The following TPM4 variants were observed in gnomAD, a reference collection of about 807,000 sequenced individuals.
The protein encoded by TPM4 is tropomyosin alpha-4 chain.
TPM4 carries 17 observed loss-of-function variants against 35.8 expected under a neutral mutation model. The observed-to-expected ratio is 0.47, with a 90% CI of 0.32 to 0.71. The LOEUF (loss-of-function observed/expected upper bound fraction) is 0.71, where lower values mean the gene tolerates loss of function less well. Among genes scored for constraint, TPM4 ranks in the 30% least tolerant of loss-of-function variants. The pLI, the probability that TPM4 is intolerant of heterozygous loss-of-function variation, is 0.03. For synonymous variants in TPM4, 120 were observed against 122.9 expected (o/e 0.98, Z 0.15); for missense variants, 240 against 320.9 (o/e 0.75, Z 1.93).
chr19:16,073,029 A>G (rs574047681), upstream of TPM4, among the ~76,000 whole-genome samples: 17 of 152,162 alleles, frequency 1.1e-4, no homozygotes, highest in African/African-American at 3.6e-4. Flanking sequence ...AAAAGTAGTC[A>G]AAACCCCAAA....
At chr19:16,093,837 A>AG in intron 7 of TPM4, 84 bp downstream of exon 7, 1 of 1,482,152 alleles carries the variant, frequency 6.7e-7, no homozygotes, top group South Asian at 1.2e-5. Flanking sequence ...ATGTTTGTGG[A>AG]GGGGCTGGGT....
At chr19:16,097,633 G>A (rs1245190795) in intron 7 of TPM4, among the ~76,000 whole-genome samples, 6 of 152,008 alleles carry the variant, frequency 3.9e-5, no homozygotes, top group African/African-American at 1.4e-4. Context: ...TTCAAATAGT[G>A]CATCTGGTTC....
In TPM4 at chr19:16,102,193, A is replaced by G. The variant is rs2090769648; in HGVS notation, c.*847A>G. ...GAAACCATGTCTCTACTAAAAATAC[A>G]AAAATTATGGTGACGCCTGCCTGTA... On this transcript the variant is annotated 3_prime_UTR_variant, in exon 8 of 8. Transcript: ENST00000643579. The G allele has an allele frequency of 5.4e-6, 1 of 186,888 alleles. No individual in the cohort carries two copies. Among genetic ancestry groups the G allele is most frequent in the Non-Finnish European group, 1.1e-5 (1 of 88,628 alleles). 11.6% of individuals were successfully genotyped at this position (186,888 alleles called of 1,614,324 possible).
At chr19:16,076,779 C>A in intron 1 of TPM4, 82 bp downstream of exon 1, 4 of 1,281,274 alleles carry the variant, frequency 3.1e-6, no homozygotes, top group Non-Finnish European at 3.0e-6. Context: ...CCGCGCTGCC[C>A]GCCCGCGCGC....
intron 2 of TPM4, among the ~76,000 whole-genome samples, chr19:16,069,430 T>TGTATGGATGAGTGTGTTTCTGATGGG (rs1320629074): frequency 9.9e-5 from 15 of 152,198 alleles, no homozygotes; most frequent in South Asian, 2.1e-4. Context: ...GGTGTGTATG[T>TGTATGGATGAGTGTGTTTCTGATGGG]GTGTGAATGA....
intron 4 of TPM4, 170 bp downstream of exon 4, chr19:16,088,267 C>T (rs2036731001): frequency 1.4e-6 from 2 of 1,404,634 alleles, no homozygotes; most frequent in Non-Finnish European, 9.5e-7. Flanking sequence ...GAGGTGGTGA[C>T]TTGTTCTTAC....
At chr19:16,087,976 A>G (rs1222052480) in intron 3 of TPM4, 51 bp from the exon 4 acceptor site, 2 of 1,574,728 alleles carry the variant, frequency 1.3e-6, no homozygotes, top group Non-Finnish European at 1.7e-6. Context: ...TGGATGGGAG[A>G]GGACACGGCT....
rs772139603 is a variant in TPM4, at chr19:16,076,541, C to T, written c.-25C>T. The T allele has an allele frequency of 1.3e-5, 19 of 1,436,982 alleles. No homozygotes were observed. Among genetic ancestry groups the T allele is most frequent in the South Asian group, 9.4e-5 (7 of 74,200 alleles). The allele number at this position is 1,436,982 out of a possible 1,614,324, so 89.0% of individuals were successfully genotyped here. ...AGCCCAGCCGAGCGTCCGCCGCTGCCCGTGCGCCTCTGCGCCTCCGCGCCA... is the reference window on the plus strand; with the variant it reads ...AGCCCAGCCGAGCGTCCGCCGCTGCTCGTGCGCCTCTGCGCCTCCGCGCCA... On this transcript the variant is annotated 5_prime_UTR_variant, in exon 1 of 8. Coordinates refer to ENST00000643579, the MANE Select transcript of TPM4 (RefSeq NM_003290.3).
At chr19:16,097,121 T>C (rs964967357) in intron 7 of TPM4, among the ~76,000 whole-genome samples, 3 of 151,036 alleles carry the variant, frequency 2.0e-5, no homozygotes, top group Non-Finnish European at 4.4e-5. Flanking sequence ...ACTCAGCTAA[T>C]TTTTGTACTT....
chr19:16,102,966 T>C lies in TPM4; in HGVS notation c.*1620T>C. ...GTATCATATGTAATAGTATCACTTT[T>C]TCTACATTTTGGTCAAATAAATTTT... is the stretch of plus-strand genomic sequence containing the variant. On this transcript the variant is annotated 3_prime_UTR_variant, in exon 8 of 8. Coordinates refer to ENST00000643579, the MANE Select transcript of TPM4 (RefSeq NM_003290.3). The C allele has an allele frequency of 4.8e-6, 1 of 207,964 alleles. No individual in the cohort carries two copies. Among genetic ancestry groups the C allele is most frequent in the Non-Finnish European group, 9.8e-6 (1 of 101,986 alleles). 12.9% of individuals were successfully genotyped at this position (207,964 alleles called of 1,614,324 possible).
At chr19:16,084,125 C>G (rs2090519830) in intron 2 of TPM4, among the ~76,000 whole-genome samples, 1 of 152,198 alleles carries the variant, frequency 6.6e-6, no homozygotes, top group South Asian at 2.1e-4. Flanking sequence ...GACAGGGTTT[C>G]ACCGTGTTAG....
chr19:16,088,042 G>T lies in TPM4; in HGVS notation c.400G>T (p.Val134Phe). 1 of 1,612,076 alleles carries T rather than the reference G, an allele frequency of 6.2e-7. No individual in the cohort carries two copies. The highest frequency in any genetic ancestry group is 8.5e-7 in the Non-Finnish European group (1 of 1,179,466). ...RKYEEVARKL[V>F]ILEGELERAE... Reference sequence around the variant, plus strand: ...GTCTCTGCAGGTAGCTCGTAAGCTGGTCATCCTGGAGGGTGAGCTGGAGAG... The same window carrying T: ...GTCTCTGCAGGTAGCTCGTAAGCTGTTCATCCTGGAGGGTGAGCTGGAGAG... Residue 134 changes from valine to phenylalanine, a missense_variant, in exon 4 of 8, where the codon GTC becomes TTC. Physicochemically the swap from Val to Phe is conservative, Grantham distance 50. Coordinates refer to ENST00000643579, the MANE Select transcript of TPM4 (RefSeq NM_003290.3).
chr19:16,090,824 ATTTTTTT>A (rs1017045831), intron 5 of TPM4, among the ~76,000 whole-genome samples: 1 of 123,400 alleles, frequency 8.1e-6, no homozygotes, highest in Non-Finnish European at 1.7e-5. Context: ...TGTGTGTGTA[ATTTTTTT>A]TTTTTTTTTT....
rs2090761490 is a variant in TPM4, at chr19:16,101,341, A to G, written c.742A>G (p.Ile248Val). Residue 248 changes from isoleucine to valine, a missense_variant, in exon 8 of 8, where the codon ATA becomes GTA. By Grantham distance (29) the Ile-to-Val change is conservative. Coordinates refer to ENST00000643579, the MANE Select transcript of TPM4 (RefSeq NM_003290.3). ...LDQTLNELNCI is the reference protein window; with the variant it reads ...LDQTLNELNCV Reference sequence around the variant, plus strand: ...TCAGACACTAAACGAACTTAACTGTATATAAGCAAAACAGAAGAGTCTTGT... The same window carrying G: ...TCAGACACTAAACGAACTTAACTGTGTATAAGCAAAACAGAAGAGTCTTGT... 4.4e-6 allele frequency: 7 copies of G among 1,596,418 alleles called. No individual in the cohort carries two copies. The highest frequency in any genetic ancestry group is 6.0e-6 in the Non-Finnish European group (7 of 1,172,110).
intron 2 of TPM4, 22 bp downstream of exon 2, chr19:16,082,068 T>G (rs745803910): frequency 1.9e-6 from 3 of 1,586,052 alleles, no homozygotes; most frequent in Non-Finnish European, 1.7e-6. Flanking sequence ...TTGAATCTGG[T>G]GGCATCCGTG....
intron 2 of TPM4, among the ~76,000 whole-genome samples, chr19:16,085,161 G>A (rs1007068116): frequency 1.4e-4 from 21 of 152,082 alleles, no homozygotes; most frequent in Admixed American, 3.3e-4. Context: ...ACTGAGGTGG[G>A]AGAATCACCT....
chr19:16,086,645 C>A, intron 3 of TPM4, 105 bp downstream of exon 3: 1 of 884,776 alleles, frequency 1.1e-6, no homozygotes, highest in Non-Finnish European at 1.8e-6. Context: ...TCGGTTAGGT[C>A]AGCTGTCCTC....
At position 16,101,951 on chromosome 19, in the gene TPM4, C is replaced by T. The variant is rs556151965; in HGVS notation, c.*605C>T. ...GACAAACATCTTCTCAAGCAGTCAA[C>T]GTAGAATGCTTGGGAAATAGTCATA... On this transcript the variant is annotated 3_prime_UTR_variant, in exon 8 of 8. Transcript: ENST00000643579. The T allele has an allele frequency of 6.5e-4, 144 of 222,352 alleles. No individual in the cohort carries two copies. Among genetic ancestry groups the T allele is most frequent in the Middle Eastern group, 1.3e-3 (1 of 748 alleles). The allele number at this position is 222,352 out of a possible 1,614,324, so 13.8% of individuals were successfully genotyped here.
chr19:16,078,925 G>A (rs2090447449), intron 1 of TPM4, among the ~76,000 whole-genome samples: 1 of 151,254 alleles, frequency 6.6e-6, no homozygotes, highest in South Asian at 2.1e-4. Context: ...AGCTGGTTTC[G>A]TTTAGATTTT....
Sources: allele counts gnomAD v4.1 joint callset (sites outside exome capture counted in the v4.1 genomes callset), GRCh38; gene constraint gnomAD v4.1.1; transcripts MANE v1.5; gene names NCBI Gene and HGNC (gene_info 2026-07-23, HGNC 2026-07-21).